PLD5: variants seen among roughly 807,000 people sequenced by gnomAD.
PLD5 encodes inactive phospholipase D5.
PLD5 carries 36 observed loss-of-function variants against 61.1 expected under a neutral mutation model. That is an observed-to-expected ratio of 0.59 (90% CI 0.45 to 0.78). The LOEUF (loss-of-function observed/expected upper bound fraction) is 0.78. Among genes scored for constraint, PLD5 ranks in the 30% least tolerant of loss-of-function variants. PLD5 has a pLI of 0.00. For missense variants in PLD5, 515 were observed against 644.4 expected, an observed-to-expected ratio of 0.80 and a Z score of 2.17; for synonymous variants, 243 against 242.8, an observed-to-expected ratio of 1.00 and a Z score of -0.01.
intron 5 of PLD5, among the ~76,000 whole-genome samples, chr1:242,144,050 A>G (rs1664369558): frequency 6.6e-6 from 1 of 151,928 alleles, no homozygotes. Context: ...TTATATTTTT[A>G]GTAGAGATGG....
intron 5 of PLD5, among the ~76,000 whole-genome samples, chr1:242,214,903 G>A (rs1335489959): frequency 2.7e-5 from 3 of 112,418 alleles, no homozygotes; most frequent in African/African-American, 3.6e-5. Flanking sequence ...TTGAGATGGA[G>A]TCTTGCTCTG....
chr1:242,203,856 C>A (rs1274311929), intron 5 of PLD5: 1 of 152,200 alleles, frequency 6.6e-6, no homozygotes, highest in African/African-American at 2.4e-5. Flanking sequence ...AAGTGGTCTT[C>A]ATTTATTTTC....
chr1:242,381,938 T>G (rs12137956), intron 1 of PLD5, among the ~76,000 whole-genome samples: 3,329 of 152,134 alleles, frequency 0.022, 125 homozygotes, highest in East Asian at 0.11. Flanking sequence ...GTCCACCTAT[T>G]CACCAGTTCA....
intron 5 of PLD5, among the ~76,000 whole-genome samples, chr1:242,163,065 G>A (rs1665967986): frequency 6.6e-6 from 1 of 152,012 alleles, no homozygotes; most frequent in Admixed American, 6.5e-5. Context: ...CTCAGGACTA[G>A]GTAAAGAATC....
At position 242,452,521 on chromosome 1, in the gene PLD5, A is replaced by T. The variant is rs1466014762; in HGVS notation, c.189+71567T>A. Among the ~76,000 whole-genome samples, 3 of 152,210 alleles carry T rather than the reference A, an allele frequency of 2.0e-5. No individual in the cohort carries two copies. In the East Asian group the frequency reaches 5.8e-4, roughly 29 times the overall value. On this transcript the variant is annotated intron_variant, in intron 1 of 9. Transcript: ENST00000536534. ...GTAGTTCGTATACCTTCATTAAAAA[A>T]CGTGGACATCCAGGCTGGGCACGAT...
rs780384833 is a variant in PLD5 at position 242,107,775 on chromosome 1, G to A, written c.1135C>T (p.Arg379Ter). The A allele has an allele frequency of 1.2e-6, 2 of 1,612,494 alleles. No individual in the cohort carries two copies. Among genetic ancestry groups the A allele is most frequent in the Non-Finnish European group, 1.7e-6 (2 of 1,179,602 alleles). ...EALVLRSVRV[R>*]LLLSFWKETD... ...TCCTTCCAGAAGCTTAAAAGGAGTC[G>A]AACTCTAACGCTTCGTAAAACTAAT... Residue 379 changes from arginine (R) to a stop codon, truncating the protein, a stop_gained, in exon 8 of 10, where the codon CGA becomes TGA. Transcript: ENST00000536534. LOFTEE classifies it high-confidence loss of function.
chr1:242,129,441 C>A (rs1015021375), intron 5 of PLD5, among the ~76,000 whole-genome samples: 1 of 152,130 alleles, frequency 6.6e-6, no homozygotes, highest in African/African-American at 2.4e-5. Context: ...GAAAAAAAAC[C>A]AACCAAACAA....
At chr1:242,429,372 GTAAT>G (rs1437352681) in intron 1 of PLD5, among the ~76,000 whole-genome samples, 1 of 152,122 alleles carries the variant, frequency 6.6e-6, no homozygotes, top group Non-Finnish European at 1.5e-5. Flanking sequence ...TGTGGGGACT[GTAAT>G]TAACAATAGA....
Position 242,487,062 on chromosome 1 carries a change from G to C in PLD5, c.189+37026C>G, listed in dbSNP as rs934449404. On this transcript the variant is annotated intron_variant, in intron 1 of 9. Coordinates refer to ENST00000536534, the MANE Select transcript of PLD5 (RefSeq NM_001372062.1). ...AACATCACACCCCGGGGTCTGTTGT[G>C]GGGTGGCAGCAGGGGGGAGGGATAG... Among the ~76,000 whole-genome samples, 46 of 151,584 alleles carry C rather than the reference G, an allele frequency of 3.0e-4. 1 individual carries two copies. The highest frequency in any genetic ancestry group is 2.8e-3 in the Admixed American group (43 of 15,162).
chr1:242,259,726 C>G (rs1213597885), intron 4 of PLD5, among the ~76,000 whole-genome samples: 1 of 151,060 alleles, frequency 6.6e-6, no homozygotes, highest in Non-Finnish European at 1.5e-5. Flanking sequence ...TATTTTCTGA[C>G]TTTATTTTAT....
chr1:242,308,953 AAGG>A (rs1240785684), intron 2 of PLD5, among the ~76,000 whole-genome samples: 2 of 152,054 alleles, frequency 1.3e-5, no homozygotes, highest in Non-Finnish European at 2.9e-5. Flanking sequence ...GGGAGGATGG[AAGG>A]AGGAGCGGGG....
intron 4 of PLD5, among the ~76,000 whole-genome samples, chr1:242,230,605 G>C (rs1363048822): frequency 6.6e-6 from 1 of 152,080 alleles, no homozygotes; most frequent in Non-Finnish European, 1.5e-5. Context: ...AAGACTAACG[G>C]GGAAACATGA....
intron 1 of PLD5, among the ~76,000 whole-genome samples, chr1:242,401,587 G>A (rs909757277): frequency 6.6e-6 from 1 of 152,178 alleles, no homozygotes; most frequent in Non-Finnish European, 1.5e-5. Flanking sequence ...GTGATGTGAT[G>A]TGACCTCACC....
At chr1:242,299,265 TC>T (rs1675894036) in intron 2 of PLD5, among the ~76,000 whole-genome samples, 1 of 152,186 alleles carries the variant, frequency 6.6e-6, no homozygotes. Flanking sequence ...CAAGCATTTA[TC>T]CTTTGAGTTA....
At chr1:242,267,919 AG>A (rs1486030751) in intron 3 of PLD5, among the ~76,000 whole-genome samples, 5 of 150,780 alleles carry the variant, frequency 3.3e-5, no homozygotes, top group Non-Finnish European at 7.4e-5. Context: ...AGGAGGGGAG[AG>A]GGAGGGTGAG....
intron 2 of PLD5, among the ~76,000 whole-genome samples, chr1:242,312,539 G>A (rs1472916896): frequency 6.6e-6 from 1 of 152,058 alleles, no homozygotes; most frequent in East Asian, 1.9e-4. Context: ...CCAGATATCT[G>A]TGGGTCTATA....
At chr1:242,392,983 TA>T (rs1663023575) in intron 1 of PLD5, among the ~76,000 whole-genome samples, 1 of 151,230 alleles carries the variant, frequency 6.6e-6, no homozygotes, top group Non-Finnish European at 1.5e-5. Flanking sequence ...GCGGGTGGAT[TA>T]CCTGAAGTCA....
chr1:242,230,032 G>A (rs2149033986), intron 4 of PLD5, among the ~76,000 whole-genome samples: 1 of 152,214 alleles, frequency 6.6e-6, no homozygotes, highest in Middle Eastern at 3.4e-3. Context: ...AACTGTCAGG[G>A]GGATGCTATT....
chr1:242,380,733 G>A (rs1184230795), intron 1 of PLD5, among the ~76,000 whole-genome samples: 1 of 152,014 alleles, frequency 6.6e-6, no homozygotes, highest in Non-Finnish European at 1.5e-5. Flanking sequence ...CCATTAAAAA[G>A]TGGGCAAAGG....
Sources: gnomAD v4.1 joint callset for allele counts (sites outside exome capture counted in the v4.1 genomes callset) on GRCh38, gnomAD v4.1.1 for gene constraint, MANE v1.5 for transcripts, NCBI Gene and HGNC (gene_info 2026-07-23, HGNC 2026-07-21) for gene names.